ZSWIM6: variants seen among roughly 807,000 people sequenced by gnomAD.
ZSWIM6 encodes the protein zinc finger SWIM-type containing 6.
A neutral mutation model predicts 113.2 loss-of-function variants in ZSWIM6; 9 were observed. The ratio of observed to expected loss-of-function variants is 0.08; its 90% CI spans 0.05 to 0.14. The LOEUF (loss-of-function observed/expected upper bound fraction) is 0.14, where lower values mean the gene tolerates loss of function less well. ZSWIM6 is among the 10% of genes least tolerant of loss of function. The pLI, the probability that ZSWIM6 is intolerant of heterozygous loss-of-function variation, is 1.00. For synonymous variants in ZSWIM6, 611 were observed against 606.5 expected, an observed-to-expected ratio of 1.01 and a Z score of -0.11; for missense variants, 1,162 against 1,552.2, an observed-to-expected ratio of 0.75 and a Z score of 4.22.
intron 1 of ZSWIM6, among the ~76,000 whole-genome samples, chr5:61,366,023 T>C (rs2112060186): frequency 6.6e-6 from 1 of 152,176 alleles, no homozygotes; most frequent in Middle Eastern, 3.4e-3. Context: ...CTCCCACCAG[T>C]AGCTGGGACT....
chr5:61,535,975 G>A (rs1749561754), intron 10 of ZSWIM6, among the ~76,000 whole-genome samples: 1 of 152,184 alleles, frequency 6.6e-6, no homozygotes, highest in Non-Finnish European at 1.5e-5. Context: ...GTAGTAAATA[G>A]TAAATATACT....
intron 4 of ZSWIM6, among the ~76,000 whole-genome samples, chr5:61,502,722 T>C (rs1222669384): frequency 6.6e-6 from 1 of 152,202 alleles, no homozygotes; most frequent in Admixed American, 6.5e-5. Flanking sequence ...AACTGAGCAT[T>C]ACTGCCTGAG....
At chr5:61,413,816 ATCT>A (rs1746192930) in intron 1 of ZSWIM6, among the ~76,000 whole-genome samples, 1 of 151,298 alleles carries the variant, frequency 6.6e-6, no homozygotes, top group South Asian at 2.1e-4. Context: ...CTGCATAAAT[ATCT>A]TCTTTTGAGA....
At chr5:61,480,449 C>G (rs1335508154) in intron 2 of ZSWIM6, among the ~76,000 whole-genome samples, 1 of 152,158 alleles carries the variant, frequency 6.6e-6, no homozygotes, top group Non-Finnish European at 1.5e-5. Context: ...AGCCTTTCCT[C>G]TGTCATTAGC....
intron 1 of ZSWIM6, among the ~76,000 whole-genome samples, chr5:61,407,328 A>G (rs1363700856): frequency 6.6e-6 from 1 of 152,242 alleles, no homozygotes; most frequent in Non-Finnish European, 1.5e-5. Flanking sequence ...ATTGAAAGGT[A>G]AAACTGAAAA....
chr5:61,471,264 C>G (rs1747563302), intron 1 of ZSWIM6, among the ~76,000 whole-genome samples: 1 of 152,174 alleles, frequency 6.6e-6, no homozygotes, highest in Admixed American at 6.5e-5. Flanking sequence ...CTTCTTACTC[C>G]CTTCAGGCTT....
chr5:61,445,027 A>G (rs1320677601), intron 1 of ZSWIM6, among the ~76,000 whole-genome samples: 1 of 152,218 alleles, frequency 6.6e-6, no homozygotes, highest in Non-Finnish European at 1.5e-5. Flanking sequence ...ACATGTCACA[A>G]ATTAAAACAC....
intron 1 of ZSWIM6, among the ~76,000 whole-genome samples, chr5:61,442,909 A>G (rs998313184): frequency 6.6e-6 from 1 of 152,244 alleles, no homozygotes; most frequent in East Asian, 1.9e-4. Flanking sequence ...AACGTTCTCC[A>G]GACTGAACAA....
chr5:61,477,545 C>T (rs977319627), intron 2 of ZSWIM6, among the ~76,000 whole-genome samples: 1 of 152,190 alleles, frequency 6.6e-6, no homozygotes, highest in Non-Finnish European at 1.5e-5. Context: ...TTTTCCATTT[C>T]AATTTGTTTG....
Position 61,526,329 on chromosome 5 carries a change from A to C in ZSWIM6, c.1770A>C (p.Ile590=). Residue 590 remains isoleucine (I), a synonymous_variant, in exon 7 of 14, where the codon ATA becomes ATC. Coordinates refer to ENST00000252744, the MANE Select transcript of ZSWIM6 (RefSeq NM_020928.2). ...GYPREALRLA[I]AIVNTLRRQQ... ...CCAGAGAAGCACTGAGACTAGCAATAGCTATTGTTAATACATTAAGACGAC... is the reference window on the plus strand; with the variant it reads ...CCAGAGAAGCACTGAGACTAGCAATCGCTATTGTTAATACATTAAGACGAC... 6.4e-7 allele frequency: 1 copy of C among 1,552,214 alleles called. No individual in the cohort carries two copies.
chr5:61,363,953 C>T lies in ZSWIM6; in HGVS notation c.676+31005C>T, dbSNP rs1433125566. On this transcript the variant is annotated intron_variant, in intron 1 of 13. Transcript: ENST00000252744. ...CCTCTTTCTTTCTTTTTCTTTCTCT[C>T]TCTCCTTCCTTCCTTCCTCCCTCCC... 2.0e-5 allele frequency among the ~76,000 whole-genome samples: 3 copies of T among 147,554 alleles called. 1 individual carries two copies. Among genetic ancestry groups the T allele is most frequent in the South Asian group, 4.3e-4 (2 of 4,682 alleles).
chr5:61,399,384 C>T (rs1745903206), intron 1 of ZSWIM6, among the ~76,000 whole-genome samples: 1 of 152,132 alleles, frequency 6.6e-6, no homozygotes, highest in African/African-American at 2.4e-5. Context: ...GTTTGTCTCA[C>T]ATACTGAAAT....
intron 1 of ZSWIM6, among the ~76,000 whole-genome samples, chr5:61,416,154 G>A (rs139418778): frequency 6.6e-6 from 1 of 152,314 alleles, no homozygotes; most frequent in East Asian, 1.9e-4. Context: ...CTTTGTTGCT[G>A]AATTAATCCA....
chr5:61,475,922 A>G (rs577170273), intron 2 of ZSWIM6, among the ~76,000 whole-genome samples: 1 of 152,298 alleles, frequency 6.6e-6, no homozygotes, highest in African/African-American at 2.4e-5. Context: ...TTGTGGATAC[A>G]CTTTTTCTTT....
intron 1 of ZSWIM6, among the ~76,000 whole-genome samples, chr5:61,389,084 C>T (rs747011339): frequency 1.2e-4 from 18 of 152,090 alleles, no homozygotes; most frequent in Non-Finnish European, 2.2e-4. Flanking sequence ...AAAGTTACCA[C>T]GTGCCAGTGG....
At chr5:61,395,869 G>C (rs1296749755) in intron 1 of ZSWIM6, among the ~76,000 whole-genome samples, 1 of 152,060 alleles carries the variant, frequency 6.6e-6, no homozygotes, top group Non-Finnish European at 1.5e-5. Flanking sequence ...GCAGGTGGGG[G>C]TGTAGTGGGC....
At chr5:61,524,299 A>G (rs1249657022) in intron 5 of ZSWIM6, among the ~76,000 whole-genome samples, 1 of 151,770 alleles carries the variant, frequency 6.6e-6, no homozygotes, top group African/African-American at 2.4e-5. Context: ...TTCACTATCC[A>G]TCCACCTCTA....
rs754364885 is a variant in ZSWIM6 at position 61,538,836 on chromosome 5, G to A, written c.2404G>A (p.Ala802Thr). The change falls in exon 11 of 14, where the codon GCT becomes ACT. Residue 802 changes from alanine (A) to threonine (T), a missense_variant. By Grantham distance (58) the Ala-to-Thr change is moderately conservative. Coordinates refer to ENST00000252744, the MANE Select transcript of ZSWIM6 (RefSeq NM_020928.2). ...TAGGTTACTAGTATTGGAATCTACT[G>A]CTCCATCAGGAGACCTCACCCGCCC... is the stretch of plus-strand genomic sequence containing the variant. ...AMRLLVLEST[A>T]PSGDLTRPHH... 5 of 1,551,866 alleles carry A rather than the reference G, an allele frequency of 3.2e-6. No individual in the cohort carries two copies. In the African/African-American group the frequency reaches 5.5e-5, roughly 17 times the overall value.
chr5:61,531,043 G>T (rs1472813450), intron 8 of ZSWIM6, among the ~76,000 whole-genome samples: 2 of 152,138 alleles, frequency 1.3e-5, no homozygotes, highest in African/African-American at 4.8e-5. Context: ...ACTTGAAATT[G>T]GGTTATATAT....
Sources: gnomAD v4.1 joint callset for allele counts (sites outside exome capture counted in the v4.1 genomes callset) on GRCh38, gnomAD v4.1.1 for gene constraint, MANE v1.5 for transcripts, NCBI Gene and HGNC (gene_info 2026-07-23, HGNC 2026-07-21) for gene names.